Variants in RBFOX1 observed in about 807,000 individuals in gnomAD.
RBFOX1 encodes the protein RNA binding fox-1 homolog 1.
A neutral mutation model predicts 57.7 loss-of-function variants in RBFOX1; 8 were observed. The ratio of observed to expected loss-of-function variants is 0.14; its 90% CI spans 0.08 to 0.25. The LOEUF (loss-of-function observed/expected upper bound fraction) is 0.25. Among genes scored for constraint, RBFOX1 ranks in the 10% least tolerant of loss-of-function variants. RBFOX1 has a pLI of 1.00. For synonymous variants in RBFOX1, 326 were observed against 222.4 expected (o/e 1.47, Z -4.15); for missense variants, 611 against 548.5 (o/e 1.11, Z -1.14).
At chr16:5,291,205 G>C (rs1281519413) in intron 1 of RBFOX1, among the ~76,000 whole-genome samples, 1 of 151,328 alleles carries the variant, frequency 6.6e-6, no homozygotes, top group Admixed American at 6.6e-5. Flanking sequence ...ATAAAGGGCT[G>C]ATGTAGGGAT....
At chr16:7,031,610 G>GAAAGA (rs905138546) in intron 3 of RBFOX1, among the ~76,000 whole-genome samples, 51 of 141,026 alleles carry the variant, frequency 3.6e-4, no homozygotes, top group Non-Finnish European at 6.9e-4. Flanking sequence ...AAAAAAAAAA[G>GAAAGA]AAAGAAAAGA....
chr16:7,409,323 G>T (rs761448252), intron 4 of RBFOX1, among the ~76,000 whole-genome samples: 6 of 152,226 alleles, frequency 3.9e-5, no homozygotes, highest in Non-Finnish European at 7.3e-5. Flanking sequence ...GTTCACTGGA[G>T]CAGAAAGAGC....
At chr16:6,816,185 C>G (rs1450295091) in intron 3 of RBFOX1, among the ~76,000 whole-genome samples, 1 of 152,064 alleles carries the variant, frequency 6.6e-6, no homozygotes, top group African/African-American at 2.4e-5. Flanking sequence ...GTGATGCTCA[C>G]TTGTAATCCC....
chr16:5,692,452 C>T (rs1015479178), intron 3 of RBFOX1, among the ~76,000 whole-genome samples: 11 of 151,968 alleles, frequency 7.2e-5, no homozygotes, highest in African/African-American at 2.7e-4. Context: ...TGGATCTTTC[C>T]CAACTGAGAC....
intron 3 of RBFOX1, among the ~76,000 whole-genome samples, chr16:6,955,238 C>G (rs561896639): frequency 5.9e-5 from 9 of 151,968 alleles, no homozygotes. Context: ...GAGACCTTGT[C>G]TGGGAAGAAA....
intron 2 of RBFOX1, among the ~76,000 whole-genome samples, chr16:6,463,330 C>T (rs973134595): frequency 3.7e-4 from 57 of 152,132 alleles, no homozygotes; most frequent in African/African-American, 1.3e-3. Flanking sequence ...AATTTCTGAA[C>T]TCTATTAACT....
rs150231793 is a variant in RBFOX1 at position 6,662,951 on chromosome 16, G to C, written c.-16+8301G>C. Among the ~76,000 whole-genome samples, 483 of 152,334 alleles carry C rather than the reference G, an allele frequency of 3.2e-3. 5 individuals are homozygous for C. Among genetic ancestry groups the C allele is most frequent in the African/African-American group, 0.011 (462 of 41,572 alleles). ...AAAAGCACATGGATGTGTAAAAATTGTGAGTATGGATCGCACATAACTGAA... is the reference window on the plus strand; with the variant it reads ...AAAAGCACATGGATGTGTAAAAATTCTGAGTATGGATCGCACATAACTGAA... On this transcript the variant is annotated intron_variant, in intron 3 of 15. Coordinates refer to ENST00000550418, the MANE Select transcript of RBFOX1 (RefSeq NM_018723.4).
At position 7,547,577 on chromosome 16, in the gene RBFOX1, G is replaced by C. The variant is rs1205708474; in HGVS notation, c.270+29188G>C. On this transcript the variant is annotated intron_variant, in intron 5 of 15. Transcript: ENST00000550418. Reference sequence around the variant, plus strand: ...AAATAATCCTTTCCATATTTTAATAGTCAGTTGACCACACTGCTGGCAGTG... The same window carrying C: ...AAATAATCCTTTCCATATTTTAATACTCAGTTGACCACACTGCTGGCAGTG... 2.0e-5 allele frequency among the ~76,000 whole-genome samples: 3 copies of C among 152,210 alleles called. No homozygotes were observed. In the East Asian group the frequency reaches 5.8e-4, roughly 29 times the overall value.
At chr16:7,453,619 C>G (rs1014423541) in intron 4 of RBFOX1, among the ~76,000 whole-genome samples, 1 of 152,212 alleles carries the variant, frequency 6.6e-6, no homozygotes, top group East Asian at 1.9e-4. Context: ...TAGTTTCATA[C>G]ACATGTTAAA....
chr16:7,311,894 A>C (rs1177741452), intron 4 of RBFOX1, among the ~76,000 whole-genome samples: 1 of 152,228 alleles, frequency 6.6e-6, no homozygotes, highest in Admixed American at 6.5e-5. Flanking sequence ...TCTGTTATTC[A>C]ATTAGCTGAT....
chr16:6,706,844 G>A (rs1433437052), intron 3 of RBFOX1, among the ~76,000 whole-genome samples: 1 of 151,900 alleles, frequency 6.6e-6, no homozygotes, highest in Non-Finnish European at 1.5e-5. Flanking sequence ...GTGACCAGAA[G>A]TCATCTGGTG....
chr16:7,294,706 A>G (rs2095857119), intron 4 of RBFOX1, among the ~76,000 whole-genome samples: 1 of 152,104 alleles, frequency 6.6e-6, no homozygotes, highest in African/African-American at 2.4e-5. Context: ...AAGCTTGAAG[A>G]TAAAATGGCA....
intron 5 of RBFOX1, among the ~76,000 whole-genome samples, chr16:7,542,749 C>A (rs527507403): frequency 2.6e-4 from 39 of 148,768 alleles, no homozygotes; most frequent in Non-Finnish European, 3.0e-5. Context: ...CACCTGTAAT[C>A]CCAGCTACTC....
At chr16:5,814,334 C>T (rs1159151990) in intron 3 of RBFOX1, among the ~76,000 whole-genome samples, 1 of 152,198 alleles carries the variant, frequency 6.6e-6, no homozygotes, top group Non-Finnish European at 1.5e-5. Flanking sequence ...AATAAATTCA[C>T]TCTAATTTAT....
intron 4 of RBFOX1, among the ~76,000 whole-genome samples, chr16:7,135,098 C>T (rs1203392964): frequency 6.6e-6 from 1 of 152,034 alleles, no homozygotes; most frequent in Non-Finnish European, 1.5e-5. Context: ...ACTGACTTAT[C>T]CTGAGGCTGT....
At chr16:5,981,966 C>A (rs960463476) in intron 4 of RBFOX1, among the ~76,000 whole-genome samples, 1 of 152,170 alleles carries the variant, frequency 6.6e-6, no homozygotes, top group Non-Finnish European at 1.5e-5. Context: ...GTCAGTGGTG[C>A]CAAGAATGAA....
At chr16:6,899,046 A>G (rs577129406) in intron 3 of RBFOX1, among the ~76,000 whole-genome samples, 49 of 151,482 alleles carry the variant, frequency 3.2e-4, no homozygotes, top group African/African-American at 1.1e-3. Flanking sequence ...GTGTGTATGC[A>G]TGTGTATGTA....
At chr16:6,627,885 T>C (rs955963735) in intron 2 of RBFOX1, among the ~76,000 whole-genome samples, 18 of 152,172 alleles carry the variant, frequency 1.2e-4, no homozygotes, top group African/African-American at 4.3e-4. Context: ...TTTAGACATC[T>C]TATAAAATGG....
chr16:6,759,217 CT>C (rs1296673016), intron 3 of RBFOX1, among the ~76,000 whole-genome samples: 2 of 151,496 alleles, frequency 1.3e-5, no homozygotes, highest in Non-Finnish European at 2.9e-5. Context: ...GTGGCATAAC[CT>C]TAGCTCACTG....
Sources: gnomAD v4.1 joint callset for allele counts (sites outside exome capture counted in the v4.1 genomes callset) on GRCh38, gnomAD v4.1.1 for gene constraint, MANE v1.5 for transcripts, NCBI Gene and HGNC (gene_info 2026-07-23, HGNC 2026-07-21) for gene names.